Variants in ARHGEF2 observed in about 807,000 individuals in gnomAD.
ARHGEF2 encodes the protein Rho/Rac guanine nucleotide exchange factor 2.
Under a neutral mutation model 121.0 loss-of-function variants are expected in ARHGEF2, and 22 were observed. The ratio of observed to expected loss-of-function variants is 0.18; its 90% confidence interval spans 0.13 to 0.26. The LOEUF is 0.26. ARHGEF2 is among the 10% of genes least tolerant of loss of function. The pLI is 1.00. For synonymous variants in ARHGEF2, 487 were observed against 530.0 expected, an observed-to-expected ratio of 0.92 and a Z score of 1.11; for missense variants, 907 against 1,336.0, an observed-to-expected ratio of 0.68 and a Z score of 5.01.
In ARHGEF2 at chr1:155,954,377, A is replaced by G. The variant is rs112483024; in HGVS notation, c.1783+525T>C. 4.0e-4 allele frequency among the ~76,000 whole-genome samples: 54 copies of G among 135,826 alleles called. No individual in the cohort carries two copies. In the Admixed American group the frequency reaches 4.4e-3, roughly 11 times the overall value. 89.1% of individuals were successfully genotyped at this position (135,826 alleles called of 152,430 possible). ...CAGCTCACTGCAAGCTCCGCCTCCCAGGTTCATGCCATTCTCCTACCTCAC... is the reference window on the plus strand; with the variant it reads ...CAGCTCACTGCAAGCTCCGCCTCCCGGGTTCATGCCATTCTCCTACCTCAC... On this transcript the variant is annotated intron_variant, in intron 14 of 21. Transcript: ENST00000361247.
At chr1:155,956,045 C>T (rs1160838601) in intron 13 of ARHGEF2, among the ~76,000 whole-genome samples, 1 of 151,994 alleles carries the variant, frequency 6.6e-6, no homozygotes, top group Non-Finnish European at 1.5e-5. Flanking sequence ...AAAGAAGCCA[C>T]TACAGATCTG....
At position 155,947,916 on chromosome 1, in the gene ARHGEF2, G is replaced by A. The variant is rs771790466; in HGVS notation, c.*26C>T. ...CCCCTCAGTAATGTTCTTCAGTGGG[G>A]CACGGGGCAGGGGGGAGGGGCCCCC... On this transcript the variant is annotated 3_prime_UTR_variant, in exon 22 of 22. Coordinates refer to ENST00000361247, the MANE Select transcript of ARHGEF2 (RefSeq NM_001162383.2). 20 of 1,472,954 alleles carry A rather than the reference G, an allele frequency of 1.4e-5. No individual in the cohort carries two copies. The highest frequency in any genetic ancestry group is 1.7e-4 in the Middle Eastern group (1 of 5,782). 91.2% of individuals were successfully genotyped at this position (1,472,954 alleles called of 1,614,324 possible). A position where few individuals can be genotyped will look rare whatever the true frequency, so the allele number is the denominator to read the frequency against.
At chr1:155,975,400 C>G (rs975177474) in intron 1 of ARHGEF2, among the ~76,000 whole-genome samples, 1 of 152,094 alleles carries the variant, frequency 6.6e-6, no homozygotes, top group Non-Finnish European at 1.5e-5. Context: ...AGGTCCTTCT[C>G]TAGGCCCCAT....
Position 155,967,439 on chromosome 1 carries a change from A to G in ARHGEF2, c.209-552T>C, listed in dbSNP as rs748502219. On this transcript the variant is annotated intron_variant, in intron 2 of 21. Transcript: ENST00000361247. Reference sequence around the variant, plus strand: ...TCCTGGAGTGGCTAAATCGTCCATCAGAGGTCACACGGCTAGTGGGAGAGG... The same window carrying G: ...TCCTGGAGTGGCTAAATCGTCCATCGGAGGTCACACGGCTAGTGGGAGAGG... 7.9e-5 allele frequency among the ~76,000 whole-genome samples: 12 copies of G among 152,282 alleles called. No individual in the cohort carries two copies. The Middle Eastern group carries it at 0.017, about 216-fold the overall frequency.
chr1:155,953,695 T>TCACGC (rs1245215540), intron 14 of ARHGEF2, among the ~76,000 whole-genome samples: 1 of 128,478 alleles, frequency 7.8e-6, no homozygotes, highest in African/African-American at 3.1e-5. Context: ...TGAGTCGAGA[T>TCACGC]CACGCCACGC....
intron 2 of ARHGEF2, among the ~76,000 whole-genome samples, chr1:155,967,271 G>C (rs761841527): frequency 1.1e-4 from 16 of 152,180 alleles, no homozygotes; most frequent in African/African-American, 1.4e-4. Context: ...AGATGGCACA[G>C]AGGCAGCCAG....
chr1:155,960,750 C>G (rs1160359112), intron 11 of ARHGEF2, among the ~76,000 whole-genome samples: 3 of 152,208 alleles, frequency 2.0e-5, no homozygotes, highest in Non-Finnish European at 4.4e-5. Flanking sequence ...CTCAGGCAGG[C>G]TTTGGCCTCA....
chr1:155,952,169 G>A lies in ARHGEF2; in HGVS notation c.2051C>T (p.Ala684Val). The change falls in exon 16 of 22, where the codon GCC becomes GTC. Residue 684 changes from alanine (A) to valine (V), a missense_variant. Physicochemically the swap from Ala to Val is moderately conservative, Grantham distance 64. Coordinates refer to ENST00000361247, the MANE Select transcript of ARHGEF2 (RefSeq NM_001162383.2). ...VELLLTPREP[A>V]LPLEPDSGGN... is the part of the protein sequence containing the mutation. ...ACCGCTGTCTGGTTCCAAGGGCAGG[G>A]CTGGCTCTCGGGGTGTCAAGAGCAG... 1 of 1,614,122 alleles carries A rather than the reference G, an allele frequency of 6.2e-7. No homozygotes were observed. The highest frequency in any genetic ancestry group is 8.5e-7 in the Non-Finnish European group (1 of 1,180,030).
At chr1:155,977,690 C>G (rs1558057738) in intron 1 of ARHGEF2, among the ~76,000 whole-genome samples, 2 of 152,226 alleles carry the variant, frequency 1.3e-5, no homozygotes, top group Non-Finnish European at 2.9e-5. Flanking sequence ...ACACAAAGAC[C>G]TCTGCTCCCT....
At chr1:155,955,507 G>A (rs1173497012) in intron 13 of ARHGEF2, among the ~76,000 whole-genome samples, 2 of 152,034 alleles carry the variant, frequency 1.3e-5, no homozygotes, top group Admixed American at 1.3e-4. Context: ...CAGTGCAGAG[G>A]GTCAAGTACA....
intron 3 of ARHGEF2, 118 bp downstream of exon 3, chr1:155,966,702 C>A (rs1043316485): frequency 3.2e-6 from 4 of 1,242,258 alleles, no homozygotes; most frequent in Non-Finnish European, 4.7e-6. Context: ...TCTGGGCTGC[C>A]CCTTGGTGAG....
At chr1:155,963,942 C>T (rs1157278138) in intron 7 of ARHGEF2, among the ~76,000 whole-genome samples, 13 of 150,160 alleles carry the variant, frequency 8.7e-5, no homozygotes, top group African/African-American at 3.2e-4. Context: ...GTCAGGTGTT[C>T]GAGACCAGCT....
At chr1:155,948,134 C>A in intron 21 of ARHGEF2, 119 bp from the exon 22 acceptor site, 1 of 726,402 alleles carries the variant, frequency 1.4e-6, no homozygotes, top group South Asian at 2.3e-5. Context: ...GAAGGGATGA[C>A]AGGGTTCTGT....
In ARHGEF2 at chr1:155,978,394, T is replaced by G. The variant is rs1452261423; in HGVS notation, c.34A>C (p.Ile12Leu). 6.5e-5 allele frequency: 99 copies of G among 1,518,152 alleles called. No individual in the cohort carries two copies. The highest frequency in any genetic ancestry group is 8.8e-5 in the Non-Finnish European group (99 of 1,123,868). The allele number at this position is 1,518,152 out of a possible 1,614,324, so 94.0% of individuals were successfully genotyped here. The stretch of plus-strand genomic sequence containing the variant: ...CTCGCCAGCTCTCTGCTCCGGTCGA[T>G]CCGCGCCCGCGTGAGGGATTCGATC... ...SRIESLTRAR[I>L]DRSRELASKT... Residue 12 changes from isoleucine to leucine, a missense_variant, in exon 1 of 22, where the codon ATC becomes CTC. Physicochemically the swap from Ile to Leu is conservative, Grantham distance 5. This residue lies in a region of ARHGEF2 where 475 missense variants were observed against 776.5 expected (regional missense o/e 0.61). Transcript: ENST00000361247. This position sits in a 1 kb window ranked among gnomAD's most constrained non-coding sequence, Gnocchi z 4.1.
intron 21 of ARHGEF2, among the ~76,000 whole-genome samples, chr1:155,948,996 C>T (rs1674850807): frequency 6.6e-6 from 1 of 152,088 alleles, no homozygotes; most frequent in African/African-American, 2.4e-5. Flanking sequence ...ACCTGTAATC[C>T]CAGCACTTTG....
chr1:155,950,901 G>A lies in ARHGEF2; in HGVS notation c.2631C>T (p.Arg877=). The A allele has an allele frequency of 6.3e-7, 1 of 1,590,734 alleles. No individual in the cohort carries two copies. Among genetic ancestry groups the A allele is most frequent in the Non-Finnish European group, 8.6e-7 (1 of 1,168,016 alleles). The part of the protein sequence containing the change: ...EPLPAEAPWA[R]RPVDPRRRSL... ...TGCGCCGCCGAGGATCCACAGGTCT[G>A]CGGGCCCAGGGGGCCTCAGCTGGGA... is the stretch of plus-strand genomic sequence containing the variant. Residue 877 remains arginine (R), a synonymous_variant, in exon 20 of 22, where the codon CGC becomes CGT. Transcript: ENST00000361247. The surrounding 1 kb of genome is among the most constrained non-coding windows in gnomAD (Gnocchi z 5.2).
Position 155,951,276 on chromosome 1 carries a change from G to C in ARHGEF2, c.2260-4C>G, listed in dbSNP as rs993888039. On this transcript the variant is annotated splice_region_variant and splice_polypyrimidine_tract_variant and intron_variant, in intron 19 of 21. Transcript: ENST00000361247. This position sits in a 1 kb window ranked among gnomAD's most constrained non-coding sequence, Gnocchi z 5.1. ...TGTCCTGCTGGGCCACAGCTGCCTG[G>C]GAGTAGAATGCAGGCAGAAGGGTTT... 5.0e-6 allele frequency: 8 copies of C among 1,596,944 alleles called. No homozygotes were observed. In the African/African-American group the frequency reaches 1.1e-4, roughly 21 times the overall value.
chr1:155,968,857 C>A, intron 2 of ARHGEF2: 1 of 367,038 alleles, frequency 2.7e-6, no homozygotes, highest in Non-Finnish European at 5.1e-6. Context: ...TCCCCTAACC[C>A]TTAGCAGCTG....
rs1159092336 is a variant in ARHGEF2 at position 155,950,511 on chromosome 1, G to T, written c.2704-29C>A. On this transcript the variant is annotated intron_variant, in intron 20 of 21. Transcript: ENST00000361247. The surrounding 1 kb of genome is among the most constrained non-coding windows in gnomAD (Gnocchi z 5.2). Reference sequence around the variant, plus strand: ...TGGACAGTGGGCAGGAAGAACAGCAGGTCAGGGACTGAGTAGTGTGAAGAT... The same window carrying T: ...TGGACAGTGGGCAGGAAGAACAGCATGTCAGGGACTGAGTAGTGTGAAGAT... 6.2e-7 allele frequency: 1 copy of T among 1,605,822 alleles called. No homozygotes were observed. Among genetic ancestry groups the T allele is most frequent in the African/African-American group, 1.3e-5 (1 of 74,832 alleles).
Sources: gnomAD v4.1 joint callset for allele counts (sites outside exome capture counted in the v4.1 genomes callset) on GRCh38, gnomAD v4.1.1 for gene constraint, gnomAD v4.1.1 regional missense constraint, Gnocchi (gnomAD v3.1) non-coding constraint, MANE v1.5 for transcripts, NCBI Gene and HGNC (gene_info 2026-07-23, HGNC 2026-07-21) for gene names.